Variants in TCF12 observed in about 807,000 individuals in gnomAD.
TCF12 encodes DNA-binding protein HTF4.
A neutral mutation model predicts 86.0 loss-of-function variants in TCF12; 45 were observed. The ratio of observed to expected loss-of-function variants is 0.52; its 90% CI spans 0.41 to 0.67. The LOEUF is 0.67. Among genes scored for constraint, TCF12 ranks in the 30% least tolerant of loss-of-function variants. The pLI, the probability that TCF12 is intolerant of heterozygous loss-of-function variation, is 0.00. For synonymous variants in TCF12, 330 were observed against 299.6 expected, an observed-to-expected ratio of 1.10 and a Z score of -1.05; for missense variants, 881 against 859.9, an observed-to-expected ratio of 1.02 and a Z score of -0.31.
intron 16 of TCF12, among the ~76,000 whole-genome samples, chr15:57,253,927 C>T (rs1156462470): frequency 2.0e-5 from 3 of 152,060 alleles, no homozygotes; most frequent in Non-Finnish European, 2.9e-5. Flanking sequence ...GCTGTAATTT[C>T]AGTAATAAAT....
At chr15:57,249,284 C>T (rs535789167) in intron 13 of TCF12, among the ~76,000 whole-genome samples, 10 of 151,748 alleles carry the variant, frequency 6.6e-5, no homozygotes, top group Non-Finnish European at 1.3e-4. Context: ...AAAATTAGCC[C>T]ACAAGCTTTT....
At chr15:57,127,783 C>G (rs1039988147) in intron 5 of TCF12, among the ~76,000 whole-genome samples, 2 of 152,030 alleles carry the variant, frequency 1.3e-5, no homozygotes, top group Admixed American at 1.3e-4. Context: ...TTCACTATTA[C>G]GTCGGTTGAT....
At chr15:57,216,623 T>A (rs2058342895) in intron 8 of TCF12, among the ~76,000 whole-genome samples, 2 of 151,320 alleles carry the variant, frequency 1.3e-5, no homozygotes, top group Non-Finnish European at 2.9e-5. Context: ...CAGCACTTGA[T>A]CCATCTATAT....
At chr15:57,153,872 G>C (rs1286816202) in intron 5 of TCF12, among the ~76,000 whole-genome samples, 1 of 151,586 alleles carries the variant, frequency 6.6e-6, no homozygotes, top group Non-Finnish European at 1.5e-5. Context: ...AAAAAAACCA[G>C]GTATAGTCTT....
At position 57,004,065 on chromosome 15, in the gene TCF12, T is replaced by A. The variant is rs1596064203; in HGVS notation, c.149-59685T>A. ...GTTTTTGTTTTTTTTTCCTCAGTGA[T>A]GTAATTTCTATAAAGAGTGACTCTC... On this transcript the variant is annotated intron_variant, in intron 3 of 20. Transcript: ENST00000333725. 1.3e-5 allele frequency among the ~76,000 whole-genome samples: 2 copies of A among 152,282 alleles called. 1 individual carries two copies. Among genetic ancestry groups the A allele is most frequent in the South Asian group, 4.2e-4 (2 of 4,816 alleles).
intron 5 of TCF12, among the ~76,000 whole-genome samples, chr15:57,101,445 A>G (rs2049742247): frequency 6.6e-6 from 1 of 152,176 alleles, no homozygotes; most frequent in African/African-American, 2.4e-5. Flanking sequence ...CTTAGGTTCA[A>G]GCGATCCTCC....
chr15:57,270,372 T>C (rs1259767492), intron 18 of TCF12, among the ~76,000 whole-genome samples: 2 of 152,210 alleles, frequency 1.3e-5, no homozygotes, highest in Non-Finnish European at 2.9e-5. Context: ...TTGTGTATGC[T>C]TCACGAAGTT....
intron 4 of TCF12, among the ~76,000 whole-genome samples, chr15:57,069,710 G>A (rs2069201007): frequency 6.6e-6 from 1 of 152,186 alleles, no homozygotes; most frequent in Non-Finnish European, 1.5e-5. Flanking sequence ...TGAATCTTAT[G>A]CTAGTGCTTT....
chr15:57,048,402 C>T (rs1458108998), intron 3 of TCF12, among the ~76,000 whole-genome samples: 1 of 152,148 alleles, frequency 6.6e-6, no homozygotes, highest in Non-Finnish European at 1.5e-5. Flanking sequence ...GCTGGGACTA[C>T]AGGCACCCGC....
At chr15:57,217,322 G>T (rs553696245) in intron 8 of TCF12, among the ~76,000 whole-genome samples, 2 of 152,112 alleles carry the variant, frequency 1.3e-5, no homozygotes, top group Admixed American at 6.5e-5. Context: ...CTTTTACAGT[G>T]AATTTCTTTT....
chr15:57,091,507 A>G (rs1455639778), intron 4 of TCF12, among the ~76,000 whole-genome samples: 1 of 152,240 alleles, frequency 6.6e-6, no homozygotes, highest in Non-Finnish European at 1.5e-5. Context: ...CCATCCCATC[A>G]GAAGAGCTGA....
chr15:57,136,316 G>A (rs1256688044), intron 5 of TCF12, among the ~76,000 whole-genome samples: 1 of 152,208 alleles, frequency 6.6e-6, no homozygotes, highest in African/African-American at 2.4e-5. Flanking sequence ...AAAAAACACT[G>A]GAAGTGGGAA....
chr15:57,040,787 T>C lies in TCF12; in HGVS notation c.149-22963T>C, dbSNP rs543315590. ...CTACTGCCTTGATTAGGGTGAAAAA[T>C]TGCATTTAGGGTAATTAACTTACTC... On this transcript the variant is annotated intron_variant, in intron 3 of 20. Transcript: ENST00000333725. Among the ~76,000 whole-genome samples, 57 of 152,266 alleles carry C rather than the reference T, an allele frequency of 3.7e-4. No homozygotes were observed. In the South Asian group the frequency reaches 0.012, roughly 31 times the overall value.
intron 5 of TCF12, among the ~76,000 whole-genome samples, chr15:57,164,643 C>A (rs929440457): frequency 1.3e-5 from 2 of 151,926 alleles, no homozygotes. Flanking sequence ...ACAGCCAAAC[C>A]GTATCAGTGG....
At position 57,264,818 on chromosome 15, in the gene TCF12, C is replaced by G. The variant is rs797016575; in HGVS notation, c.1745+1544C>G. Among the ~76,000 whole-genome samples, 19 of 152,240 alleles carry G rather than the reference C, an allele frequency of 1.2e-4. 1 individual carries two copies. The highest frequency in any genetic ancestry group is 4.6e-4 in the African/African-American group (19 of 41,544). On this transcript the variant is annotated intron_variant, in intron 18 of 20. Coordinates refer to ENST00000333725, the MANE Select transcript of TCF12 (RefSeq NM_207037.2). ...AATCTTGGCTCATTGCAACCTCTGCCTCCCGGGTTCAAGCAGTTCTCTTGC... is the reference window on the plus strand; with the variant it reads ...AATCTTGGCTCATTGCAACCTCTGCGTCCCGGGTTCAAGCAGTTCTCTTGC...
At chr15:56,930,361 A>G (rs1254023844) in intron 3 of TCF12, among the ~76,000 whole-genome samples, 3 of 152,234 alleles carry the variant, frequency 2.0e-5, no homozygotes, top group African/African-American at 7.2e-5. Flanking sequence ...ATCTGAGCTT[A>G]TATGGGCACT....
chr15:57,026,341 A>G (rs1381266867), intron 3 of TCF12, among the ~76,000 whole-genome samples: 1 of 152,246 alleles, frequency 6.6e-6, no homozygotes, highest in African/African-American at 2.4e-5. Context: ...TAAGAATTTA[A>G]GAGAACTTTC....
At chr15:57,029,910 G>A (rs749952534) in intron 3 of TCF12, among the ~76,000 whole-genome samples, 29 of 152,148 alleles carry the variant, frequency 1.9e-4, no homozygotes, top group Non-Finnish European at 3.7e-4. Context: ...GGTATCAGTA[G>A]TTTCTTTTCT....
intron 3 of TCF12, among the ~76,000 whole-genome samples, chr15:57,025,290 C>T (rs2065755946): frequency 6.6e-6 from 1 of 152,044 alleles, no homozygotes; most frequent in Non-Finnish European, 1.5e-5. Context: ...ATGTTGGCCA[C>T]GCTGGTCTCG....
Sources: gnomAD v4.1 joint callset for allele counts (sites outside exome capture counted in the v4.1 genomes callset) on GRCh38, gnomAD v4.1.1 for gene constraint, MANE v1.5 for transcripts, NCBI Gene and HGNC (gene_info 2026-07-23, HGNC 2026-07-21) for gene names.